RARB: variants seen among roughly 807,000 people sequenced by gnomAD.
RARB encodes retinoic acid receptor beta.
Under a neutral mutation model 51.9 loss-of-function variants are expected in RARB, and 17 were observed. The ratio of observed to expected loss-of-function variants is 0.33; its 90% confidence interval spans 0.22 to 0.49. The LOEUF is 0.49. RARB is among the 20% of genes least tolerant of loss of function. The pLI is 0.99. For synonymous variants in RARB, 215 were observed against 195.4 expected (o/e 1.10, Z -0.84); for missense variants, 369 against 550.8 (o/e 0.67, Z 3.30).
intron 3 of RARB, among the ~76,000 whole-genome samples, chr3:25,523,791 G>GA (rs1179328323): frequency 6.6e-6 from 1 of 152,100 alleles, no homozygotes; most frequent in Non-Finnish European, 1.5e-5. Flanking sequence ...GCTAAAGGGG[G>GA]AAAAAATAAC....
chr3:25,370,553 T>C (rs1326187191), intron 5 of RARB, among the ~76,000 whole-genome samples: 1 of 151,494 alleles, frequency 6.6e-6, no homozygotes, highest in Non-Finnish European at 1.5e-5. Context: ...GAGGATTGAG[T>C]TTTTGGAGAG....
At chr3:25,584,914 C>T (rs1701324655) in intron 5 of RARB, among the ~76,000 whole-genome samples, 1 of 152,102 alleles carries the variant, frequency 6.6e-6, no homozygotes, top group Admixed American at 6.5e-5. Flanking sequence ...CCTGGCCTGC[C>T]CCTACTTTTG....
At chr3:24,866,930 T>C (rs1197194139) in intron 2 of RARB, among the ~76,000 whole-genome samples, 1 of 152,042 alleles carries the variant, frequency 6.6e-6, no homozygotes, top group Non-Finnish European at 1.5e-5. Flanking sequence ...TGCTGATGAT[T>C]GACTGGGGGT....
At chr3:25,499,816 T>C (rs1697207375) in intron 2 of RARB, among the ~76,000 whole-genome samples, 1 of 152,182 alleles carries the variant, frequency 6.6e-6, no homozygotes, top group Non-Finnish European at 1.5e-5. Flanking sequence ...CGGAATAAGA[T>C]TGCAAAGCTA....
At chr3:25,422,873 T>C (rs1707898305) in intron 5 of RARB, among the ~76,000 whole-genome samples, 1 of 152,138 alleles carries the variant, frequency 6.6e-6, no homozygotes, top group Non-Finnish European at 1.5e-5. Flanking sequence ...TCTGTGAAAT[T>C]GTTAAATGTT....
chr3:25,498,568 T>C (rs1036312597), intron 2 of RARB, among the ~76,000 whole-genome samples: 1 of 152,256 alleles, frequency 6.6e-6, no homozygotes, highest in Non-Finnish European at 1.5e-5. Context: ...GCCATCATTG[T>C]TACTGAATCA....
chr3:24,962,069 A>G (rs1696153816), intron 2 of RARB, among the ~76,000 whole-genome samples: 1 of 151,646 alleles, frequency 6.6e-6, no homozygotes, highest in Non-Finnish European at 1.5e-5. Context: ...AGCTGGGACT[A>G]CAGGTGCCCG....
At chr3:25,562,559 G>A (rs1700317208) in intron 3 of RARB, among the ~76,000 whole-genome samples, 1 of 152,172 alleles carries the variant, frequency 6.6e-6, no homozygotes, top group African/African-American at 2.4e-5. Flanking sequence ...AAGCATCTCA[G>A]GGGTTCATGT....
At chr3:25,066,374 C>T (rs1450543487) in intron 3 of RARB, among the ~76,000 whole-genome samples, 1 of 152,080 alleles carries the variant, frequency 6.6e-6, no homozygotes, top group Non-Finnish European at 1.5e-5. Flanking sequence ...ATTTATTATC[C>T]ATAAATACTT....
At chr3:25,427,871 T>TG (rs1302701914), upstream of RARB, among the ~76,000 whole-genome samples, 1 of 151,564 alleles carries the variant, frequency 6.6e-6, no homozygotes, top group Non-Finnish European at 1.5e-5. Context: ...AAGTGTGGGC[T>TG]GGGGGGCGAG....
chr3:24,904,901 C>G (rs1392323253), intron 2 of RARB, among the ~76,000 whole-genome samples: 2 of 152,176 alleles, frequency 1.3e-5, no homozygotes, highest in Non-Finnish European at 2.9e-5. Context: ...TCTCAGCAAA[C>G]TAACACAGGA....
rs953774072 is a variant in RARB, at chr3:25,597,402, C to T, written c.*786C>T. 8.1e-6 allele frequency: 1 copy of T among 124,100 alleles called. No homozygotes were observed. Among genetic ancestry groups the T allele is most frequent in the Non-Finnish European group, 1.7e-5 (1 of 58,730 alleles). 7.7% of individuals were successfully genotyped at this position (124,100 alleles called of 1,614,324 possible). On this transcript the variant is annotated 3_prime_UTR_variant, in exon 8 of 8. Coordinates refer to ENST00000330688, the MANE Select transcript of RARB (RefSeq NM_000965.5). The stretch of plus-strand genomic sequence containing the variant: ...GTTTATTACTTGTTTAATGACATAA[C>T]TACACAGTTAGTTAAAAAAAATTTT...
chr3:25,592,962 T>C (rs1257571163), intron 5 of RARB, among the ~76,000 whole-genome samples: 3 of 152,206 alleles, frequency 2.0e-5, no homozygotes, highest in South Asian at 2.1e-4. Flanking sequence ...TTCAGTTACA[T>C]GTTAACTATG....
chr3:25,035,064 T>C (rs1575128858), intron 2 of RARB, among the ~76,000 whole-genome samples: 1 of 152,348 alleles, frequency 6.6e-6, no homozygotes, highest in East Asian at 1.9e-4. Context: ...AGGATCGTAA[T>C]GAAAAAGCTG....
chr3:25,042,750 T>C (rs1287874049), intron 2 of RARB, among the ~76,000 whole-genome samples: 1 of 152,214 alleles, frequency 6.6e-6, no homozygotes. Context: ...ATCCTGTCTG[T>C]TCACTTCCAA....
intron 3 of RARB, among the ~76,000 whole-genome samples, chr3:25,087,220 C>A (rs1163652656): frequency 6.6e-6 from 1 of 152,150 alleles, no homozygotes; most frequent in Non-Finnish European, 1.5e-5. Flanking sequence ...GCCTGTCTGA[C>A]CACCTATTCC....
At chr3:25,399,639 C>A (rs78447701) in intron 5 of RARB, among the ~76,000 whole-genome samples, 2,366 of 152,306 alleles carry the variant, frequency 0.016, 56 homozygotes, top group African/African-American at 0.05. Flanking sequence ...TTCCTAACTT[C>A]AGACCTCTTG....
chr3:25,521,198 G>A (rs1467795603), intron 3 of RARB, among the ~76,000 whole-genome samples: 4 of 152,148 alleles, frequency 2.6e-5, no homozygotes, highest in South Asian at 2.1e-4. Context: ...TCTACAGAGC[G>A]TGTCTCCAGT....
intron 2 of RARB, among the ~76,000 whole-genome samples, chr3:24,932,266 G>A (rs866771482): frequency 1.3e-5 from 2 of 152,002 alleles, no homozygotes; most frequent in African/African-American, 4.8e-5. Context: ...AAAGTATCTT[G>A]AAGTCACCAT....
Sources: gnomAD v4.1 joint callset for allele counts (sites outside exome capture counted in the v4.1 genomes callset) on GRCh38, gnomAD v4.1.1 for gene constraint, MANE v1.5 for transcripts, NCBI Gene and HGNC (gene_info 2026-07-23, HGNC 2026-07-21) for gene names.